Variants in ST8SIA1 observed in about 807,000 individuals in gnomAD.
ST8SIA1 encodes ST8 alpha-N-acetyl-neuraminide alpha-2,8-sialyltransferase 1.
In ST8SIA1, 16 loss-of-function variants were observed where a neutral mutation model predicts 35.9. The observed-to-expected ratio is 0.45, with a 90% confidence interval of 0.30 to 0.68. The LOEUF is 0.68. Among genes scored for constraint, ST8SIA1 ranks in the 30% least tolerant of loss-of-function variants. The pLI is 0.09. For synonymous variants in ST8SIA1, 170 were observed against 169.6 expected (o/e 1.00, Z -0.02); for missense variants, 383 against 453.6 (o/e 0.84, Z 1.41).
intron 4 of ST8SIA1, among the ~76,000 whole-genome samples, chr12:22,208,197 C>T (rs926157766): frequency 6.7e-6 from 1 of 150,128 alleles, no homozygotes; most frequent in African/African-American, 2.4e-5. Flanking sequence ...ACGGGTCACA[C>T]TGTCTGATCG....
chr12:22,322,652 A>G (rs977028244), intron 1 of ST8SIA1, among the ~76,000 whole-genome samples: 2 of 152,204 alleles, frequency 1.3e-5, no homozygotes, highest in African/African-American at 4.8e-5. Flanking sequence ...CAGTATGTGG[A>G]GCCATTTCAC....
In ST8SIA1 at chr12:22,324,151, G is replaced by A. The variant is rs145468511; in HGVS notation, c.236+9846C>T. 2.4e-3 allele frequency among the ~76,000 whole-genome samples: 359 copies of A among 152,256 alleles called. 3 individuals are homozygous for A. In the East Asian group the frequency reaches 0.035, roughly 15 times the overall value. ...AGATCATTGGTTAAATACATTTAAT[G>A]ATATTCATATGACAGAAAATTATGC... On this transcript the variant is annotated intron_variant, in intron 1 of 4. Coordinates refer to ENST00000396037, the MANE Select transcript of ST8SIA1 (RefSeq NM_003034.4).
intron 4 of ST8SIA1, among the ~76,000 whole-genome samples, chr12:22,205,476 C>T (rs1865096809): frequency 6.6e-6 from 1 of 151,986 alleles, no homozygotes; most frequent in African/African-American, 2.4e-5. Context: ...GAATTGAATA[C>T]ATGATAATGG....
chr12:22,203,876 T>C (rs1034478581), intron 4 of ST8SIA1, among the ~76,000 whole-genome samples: 2 of 152,164 alleles, frequency 1.3e-5, no homozygotes, highest in African/African-American at 4.8e-5. Context: ...TTAGTTAGAA[T>C]AACCCAGAGA....
intron 1 of ST8SIA1, among the ~76,000 whole-genome samples, chr12:22,296,759 G>A (rs1288559197): frequency 6.6e-6 from 1 of 152,164 alleles, no homozygotes; most frequent in Non-Finnish European, 1.5e-5. Context: ...ATTCACTTCT[G>A]GAGGCTTGAG....
intron 4 of ST8SIA1, among the ~76,000 whole-genome samples, chr12:22,238,434 C>A (rs929435562): frequency 3.3e-5 from 5 of 151,696 alleles, no homozygotes; most frequent in Admixed American, 2.6e-4. Flanking sequence ...ACACAGAAAG[C>A]CCTGAGACTA....
At chr12:22,290,759 T>C (rs1866164682) in intron 1 of ST8SIA1, among the ~76,000 whole-genome samples, 1 of 152,224 alleles carries the variant, frequency 6.6e-6, no homozygotes, top group Non-Finnish European at 1.5e-5. Context: ...CTTCAGGTAA[T>C]TCTGGAGCAC....
At position 22,197,286 on chromosome 12, in the gene ST8SIA1, GC is replaced by G. The variant is rs1291279395; in HGVS notation, c.*4265del. Reference sequence around the variant, plus strand: ...TCAAGTTCACATAAACGTCCTTACAGCTTTTGATCTTTGGAATTCTACAAAC... The same window carrying G: ...TCAAGTTCACATAAACGTCCTTACAGTTTTGATCTTTGGAATTCTACAAAC... On this transcript the variant is annotated 3_prime_UTR_variant, in exon 5 of 5. Coordinates refer to ENST00000396037, the MANE Select transcript of ST8SIA1 (RefSeq NM_003034.4). The G allele has an allele frequency of 6.6e-6, 1 of 152,180 alleles. No homozygotes were observed. The highest frequency in any genetic ancestry group is 1.5e-5 in the Non-Finnish European group (1 of 68,054). The allele number at this position is 152,180 out of a possible 1,614,324, so 9.4% of individuals were successfully genotyped here.
At position 22,197,863 on chromosome 12, in the gene ST8SIA1, T is replaced by C. The variant is rs962221397; in HGVS notation, c.*3689A>G. 2.0e-5 allele frequency: 3 copies of C among 152,186 alleles called. No individual in the cohort carries two copies. The highest frequency in any genetic ancestry group is 7.2e-5 in the African/African-American group (3 of 41,444). The allele number at this position is 152,186 out of a possible 1,614,324, so 9.4% of individuals were successfully genotyped here. ...TGTGAAGACAGATAAAAGTGAACTA[T>C]ACAGAAGCAAAATCCAGTGAGCACT... On this transcript the variant is annotated 3_prime_UTR_variant, in exon 5 of 5. Coordinates refer to ENST00000396037, the MANE Select transcript of ST8SIA1 (RefSeq NM_003034.4).
At chr12:22,330,171 A>G (rs1265645825) in intron 1 of ST8SIA1, among the ~76,000 whole-genome samples, 1 of 151,922 alleles carries the variant, frequency 6.6e-6, no homozygotes, top group Non-Finnish European at 1.5e-5. Flanking sequence ...CCACCCTACC[A>G]TCCTTGGAGG....
chr12:22,289,511 C>T (rs967278969), intron 1 of ST8SIA1, among the ~76,000 whole-genome samples: 7 of 152,162 alleles, frequency 4.6e-5, no homozygotes, highest in Admixed American at 4.6e-4. Context: ...GGCCAACTGC[C>T]GCAGTACACC....
At chr12:22,214,613 T>G (rs1372216911) in intron 4 of ST8SIA1, among the ~76,000 whole-genome samples, 1 of 152,156 alleles carries the variant, frequency 6.6e-6, no homozygotes, top group East Asian at 1.9e-4. Flanking sequence ...CCCTCAAAAC[T>G]TATTCAAAAT....
chr12:22,248,856 T>C (rs1865633711), intron 4 of ST8SIA1, 150 bp downstream of exon 4: 1 of 581,042 alleles, frequency 1.7e-6, no homozygotes, highest in African/African-American at 1.9e-5. Flanking sequence ...TCCTGTTTTC[T>C]TTATTTACAA....
rs1865053691 is a variant in ST8SIA1, at chr12:22,202,008, T to C, written c.615A>G (p.Thr205=). Residue 205 remains threonine, a synonymous_variant, in exon 5 of 5, where the codon ACA becomes ACG. Coordinates refer to ENST00000396037, the MANE Select transcript of ST8SIA1 (RefSeq NM_003034.4). ...RFQNLLWSRK[T]FVDNMKIYNH... The stretch of plus-strand genomic sequence containing the variant: ...TATAAATTTTCATGTTGTCCACAAA[T>C]GTCTTTCTGGACCACAGAAGGTTCT... 6.2e-7 allele frequency: 1 copy of C among 1,611,200 alleles called. No homozygotes were observed. The highest frequency in any genetic ancestry group is 8.5e-7 in the Non-Finnish European group (1 of 1,179,152).
intron 4 of ST8SIA1, among the ~76,000 whole-genome samples, chr12:22,234,406 TAAC>T: frequency 6.6e-6 from 1 of 152,184 alleles, no homozygotes; most frequent in Non-Finnish European, 1.5e-5. Context: ...CTAAGGAACA[TAAC>T]AATTTTTCCT....
At chr12:22,261,830 C>T (rs993954848) in intron 2 of ST8SIA1, among the ~76,000 whole-genome samples, 1 of 152,156 alleles carries the variant, frequency 6.6e-6, no homozygotes, top group Non-Finnish European at 1.5e-5. Context: ...GCCCTAATAC[C>T]TAACTTCCCT....
chr12:22,282,264 C>T (rs961100780), intron 2 of ST8SIA1, among the ~76,000 whole-genome samples: 4 of 152,272 alleles, frequency 2.6e-5, no homozygotes, highest in East Asian at 3.9e-4. Context: ...AGGTATTTAA[C>T]CCCTCTCAGT....
chr12:22,205,737 C>T (rs1865099648), intron 4 of ST8SIA1, among the ~76,000 whole-genome samples: 1 of 151,442 alleles, frequency 6.6e-6, no homozygotes, highest in Admixed American at 6.6e-5. Flanking sequence ...GGGCAACCAT[C>T]TCAATAAATA....
At chr12:22,202,460 T>C (rs1394603255) in intron 4 of ST8SIA1, among the ~76,000 whole-genome samples, 1 of 152,226 alleles carries the variant, frequency 6.6e-6, no homozygotes, top group Non-Finnish European at 1.5e-5. Flanking sequence ...GAATCACTTC[T>C]AAGATACCTC....
Sources: gnomAD v4.1 joint callset for allele counts (sites outside exome capture counted in the v4.1 genomes callset) on GRCh38, gnomAD v4.1.1 for gene constraint, MANE v1.5 for transcripts, NCBI Gene and HGNC (gene_info 2026-07-23, HGNC 2026-07-21) for gene names.